EIF3K: variants seen among roughly 807,000 people sequenced by gnomAD.
EIF3K encodes eukaryotic translation initiation factor 3 subunit K, also known as eIF-3 p28.
EIF3K carries 27 observed loss-of-function variants against 34.2 expected under a neutral mutation model. The ratio of observed to expected loss-of-function variants is 0.79; its 90% CI spans 0.58 to 1.09. EIF3K has a LOEUF of 1.09. EIF3K is among the 50% of genes least tolerant of loss of function. EIF3K has a pLI of 0.00. For missense variants in EIF3K, 232 were observed against 275.4 expected (o/e 0.84, Z 1.11); for synonymous variants, 105 against 105.7 (o/e 0.99, Z 0.04).
chr19:38,619,318 G>C lies in EIF3K; in HGVS notation c.50G>C (p.Gly17Ala), dbSNP rs1263165200. 6.2e-7 allele frequency: 1 copy of C among 1,613,906 alleles called. No individual in the cohort carries two copies. Among genetic ancestry groups the C allele is most frequent in the Non-Finnish European group, 8.5e-7 (1 of 1,179,938 alleles). The change falls in exon 1 of 8, where the codon GGT becomes GCT. Residue 17 changes from glycine to alanine, a missense_variant. Physicochemically the swap from Gly to Ala is moderately conservative, Grantham distance 60. Coordinates refer to ENST00000248342, the MANE Select transcript of EIF3K (RefSeq NM_013234.4). ...GCCAACGTGGGCAAGTTGCTCAAGG[G>C]TATCGACAGGTCTGAGCCCGGTTGG... ...MRANVGKLLK[G>A]IDRYNPENLA...
intron 4 of EIF3K, among the ~76,000 whole-genome samples, chr19:38,628,282 C>G (rs1353694317): frequency 6.6e-6 from 1 of 152,138 alleles, no homozygotes; most frequent in Non-Finnish European, 1.5e-5. Context: ...TCAGTGTAGC[C>G]TAGGCCTTGG....
Position 38,635,032 on chromosome 19 carries a change from G to A in EIF3K, c.539G>A (p.Ser180Asn), listed in dbSNP as rs199953066. 6.9e-5 allele frequency: 111 copies of A among 1,614,078 alleles called. No individual in the cohort carries two copies. Among genetic ancestry groups the A allele is most frequent in the Non-Finnish European group, 9.1e-5 (107 of 1,180,058 alleles). The change falls in exon 7 of 8, where the codon AGT becomes AAT. Residue 180 changes from serine (S) to asparagine (N), a missense_variant. By Grantham distance (46) the Ser-to-Asn change is conservative (BLOSUM62 1). Transcript: ENST00000248342. ...LKVWMSKYGW[S>N]ADESGQIFIC... ...GTGTGGATGAGCAAATACGGCTGGA[G>A]TGCCGACGAGTCGGGGCAGATCTTC...
chr19:38,626,485 C>T (rs1975953650), intron 4 of EIF3K, among the ~76,000 whole-genome samples: 1 of 152,118 alleles, frequency 6.6e-6, no homozygotes, highest in African/African-American at 2.4e-5. Context: ...GAAACTTCAT[C>T]TCTACAAAAT....
chr19:38,636,348 G>A (rs1322642836), intron 7 of EIF3K, among the ~76,000 whole-genome samples: 1 of 152,042 alleles, frequency 6.6e-6, no homozygotes, highest in African/African-American at 2.4e-5. Flanking sequence ...CTGTGTCCTG[G>A]GTCAAACAGG....
chr19:38,623,940 G>A, intron 2 of EIF3K, 137 bp from the exon 3 acceptor site: 10 of 1,357,692 alleles, frequency 7.4e-6, no homozygotes, highest in Non-Finnish European at 1.0e-5. Flanking sequence ...TTACACAGCT[G>A]GGAAGCACTG....
At chr19:38,624,306 T>G in intron 3 of EIF3K, 109 bp downstream of exon 3, 1 of 1,518,034 alleles carries the variant, frequency 6.6e-7, no homozygotes, top group East Asian at 2.4e-5. Context: ...AACAAGTGCC[T>G]GCTCTGGTCC....
intron 7 of EIF3K, among the ~76,000 whole-genome samples, chr19:38,636,612 G>A (rs543462234): frequency 6.6e-6 from 1 of 152,302 alleles, no homozygotes; most frequent in South Asian, 2.1e-4. Context: ...TAAGGTAGGT[G>A]CTTCTTAAAG....
chr19:38,620,892 C>T (rs1975825286), intron 2 of EIF3K, among the ~76,000 whole-genome samples: 1 of 150,224 alleles, frequency 6.7e-6, no homozygotes, highest in Admixed American at 6.6e-5. Flanking sequence ...GAAACTCCGT[C>T]TCAAAAATAA....
intron 4 of EIF3K, among the ~76,000 whole-genome samples, chr19:38,627,530 G>T (rs1975974262): frequency 6.6e-6 from 1 of 151,962 alleles, no homozygotes; most frequent in Non-Finnish European, 1.5e-5. Context: ...TGGGTGAGGT[G>T]GCACATGCCT....
At chr19:38,627,741 C>T (rs559728299) in intron 4 of EIF3K, among the ~76,000 whole-genome samples, 17 of 151,984 alleles carry the variant, frequency 1.1e-4, no homozygotes, top group East Asian at 1.9e-4. Flanking sequence ...AATTCTTAGA[C>T]GCTTAGAAAG....
chr19:38,632,714 G>A (rs1976097557), intron 6 of EIF3K, 36 bp downstream of exon 6: 1 of 1,578,576 alleles, frequency 6.3e-7, no homozygotes, highest in Non-Finnish European at 8.6e-7. Context: ...CATCTGGGAG[G>A]TTGGGGGTGG....
intron 7 of EIF3K, among the ~76,000 whole-genome samples, chr19:38,636,321 G>A (rs949369698): frequency 1.3e-5 from 2 of 152,132 alleles, no homozygotes; most frequent in African/African-American, 4.8e-5. Context: ...CTCTGTCTCA[G>A]TTCTGGCTCC....
rs1276223085 is a variant in EIF3K, at chr19:38,636,905, G to T, written c.642G>T (p.Met214Ile). The change falls in exon 8 of 8, where the codon ATG becomes ATT. Residue 214 changes from methionine to isoleucine, a missense_variant. Transcript: ENST00000248342. Reference sequence around the variant, plus strand: ...TCCCCACAGGTGTGTCCAGCATCATGGCCTCCTCCCAGTAACTTCAGGTGT... The same window carrying T: ...TCCCCACAGGTGTGTCCAGCATCATTGCCTCCTCCCAGTAACTTCAGGTGT... ...KIDFDSVSSI[M>I]ASSQ 17 of 1,614,016 alleles carry T rather than the reference G, an allele frequency of 1.1e-5. No homozygotes were observed. The highest frequency in any genetic ancestry group is 1.4e-5 in the Non-Finnish European group (17 of 1,180,034).
intron 7 of EIF3K, among the ~76,000 whole-genome samples, chr19:38,635,956 T>A (rs1390129403): frequency 6.6e-6 from 1 of 152,224 alleles, no homozygotes; most frequent in African/African-American, 2.4e-5. Flanking sequence ...GTTTTAAAGA[T>A]GTGTTTGGTA....
rs551773173 is a variant in EIF3K at position 38,624,104 on chromosome 19, G to T, written c.186G>T (p.Gln62His). 1 of 1,614,142 alleles carries T rather than the reference G, an allele frequency of 6.2e-7. No individual in the cohort carries two copies. The highest frequency in any genetic ancestry group is 1.1e-5 in the South Asian group (1 of 91,078). ...KLYQFNPAFF[Q>H]TTVTAQILLK... ...ACCAGTTCAACCCAGCCTTCTTTCA[G>T]ACCACGGTCACCGCCCAGATCCTGC... The change falls in exon 3 of 8, where the codon CAG (glutamine) becomes CAT (histidine). Residue 62 changes from glutamine (Q) to histidine (H), a missense_variant. Gln to His is a conservative substitution (Grantham distance 24). Coordinates refer to ENST00000248342, the MANE Select transcript of EIF3K (RefSeq NM_013234.4).
chr19:38,625,144 TTTG>T (rs569105602), intron 3 of EIF3K, among the ~76,000 whole-genome samples: 57 of 152,092 alleles, frequency 3.7e-4, no homozygotes, highest in African/African-American at 1.3e-3. Context: ...TGGGTTTTTT[TTTG>T]TTGTTGTTTT....
At chr19:38,635,183 C>T in intron 7 of EIF3K, 65 bp downstream of exon 7, 2 of 1,608,858 alleles carry the variant, frequency 1.2e-6, no homozygotes, top group Non-Finnish European at 1.7e-6. Context: ...GAGGCCGAGG[C>T]AGGGGCCCAG....
chr19:38,620,296 TTC>T (rs776499287), intron 1 of EIF3K, 39 bp from the exon 2 acceptor site: 34 of 1,585,826 alleles, frequency 2.1e-5, no homozygotes, highest in Non-Finnish European at 2.8e-5. Flanking sequence ...TGGCCTCAGC[TTC>T]TGTCTCCTCT....
At chr19:38,624,055 C>G in intron 2 of EIF3K, 22 bp from the exon 3 acceptor site, 1 of 1,613,906 alleles carries the variant, frequency 6.2e-7, no homozygotes, top group South Asian at 1.1e-5. Flanking sequence ...ACTGTGGCCA[C>G]GTCTCTTGTT....
Sources: allele counts gnomAD v4.1 joint callset (sites outside exome capture counted in the v4.1 genomes callset), GRCh38; gene constraint gnomAD v4.1.1; transcripts MANE v1.5; gene names NCBI Gene and HGNC (gene_info 2026-07-23, HGNC 2026-07-21).